The following DPYD variants were observed in gnomAD, a reference collection of about 807,000 sequenced individuals.
The protein encoded by DPYD is dihydropyrimidine dehydrogenase [NADP(+)].
Under a neutral mutation model 116.2 loss-of-function variants are expected in DPYD, and 109 were observed. The ratio of observed to expected loss-of-function variants is 0.94; its 90% CI spans 0.80 to 1.10. The LOEUF is 1.10. Among genes scored for constraint, DPYD ranks in the 50% least tolerant of loss-of-function variants. The probability of loss-of-function intolerance (pLI) is 0.00; values close to 1 mark genes in which losing one functional copy is unlikely to be tolerated. For synonymous variants in DPYD, 440 were observed against 432.0 expected (o/e 1.02, Z -0.23); for missense variants, 1,302 against 1,254.5 (o/e 1.04, Z -0.57).
intron 8 of DPYD, among the ~76,000 whole-genome samples, chr1:97,635,251 C>T (rs974209830): frequency 6.6e-6 from 1 of 152,034 alleles, no homozygotes; most frequent in Non-Finnish European, 1.5e-5. Flanking sequence ...AAGCCCGCAC[C>T]TTCCTTCCTC....
intron 19 of DPYD, among the ~76,000 whole-genome samples, chr1:97,208,508 A>G (rs1570673400): frequency 6.7e-6 from 1 of 150,068 alleles, no homozygotes; most frequent in South Asian, 2.1e-4. Flanking sequence ...CTGATCTTGA[A>G]CTCCTGGGCT....
chr1:97,529,596 C>T (rs1343432909), intron 12 of DPYD, among the ~76,000 whole-genome samples: 1 of 152,144 alleles, frequency 6.6e-6, no homozygotes, highest in East Asian at 1.9e-4. Context: ...ACGTCACAAA[C>T]ATATCCATCA....
At chr1:97,224,497 A>AT (rs1001377416) in intron 19 of DPYD, among the ~76,000 whole-genome samples, 17 of 151,694 alleles carry the variant, frequency 1.1e-4, no homozygotes, top group Admixed American at 3.9e-4. Context: ...ACACAGCAAC[A>AT]TTTTTTTTCT....
rs1020786826 is a variant in DPYD at position 97,259,384 on chromosome 1, T to C, written c.2300-24390A>G. Among the ~76,000 whole-genome samples the C allele has an allele frequency of 1.1e-4, 17 of 152,226 alleles. No homozygotes were observed. The East Asian group carries it at 2.3e-3, about 21-fold the overall frequency. On this transcript the variant is annotated intron_variant, in intron 18 of 22. Transcript: ENST00000370192. ...TGGAATTTACCGATTAAAAATATTA[T>C]TATTTTTGAGTCAGAGTCTTGCTCT...
At chr1:97,352,845 G>A (rs538144818) in intron 16 of DPYD, among the ~76,000 whole-genome samples, 5 of 152,146 alleles carry the variant, frequency 3.3e-5, no homozygotes, top group African/African-American at 1.2e-4. Context: ...AAGAATGCAG[G>A]CAAAAAGAGA....
chr1:97,176,270 T>C (rs1157719813), intron 20 of DPYD, among the ~76,000 whole-genome samples: 1 of 152,200 alleles, frequency 6.6e-6, no homozygotes, highest in Admixed American at 6.5e-5. Context: ...AGCCTCTGCT[T>C]AGGCAGGCCA....
At chr1:97,125,197 A>T (rs540297067) in intron 20 of DPYD, among the ~76,000 whole-genome samples, 116 of 152,248 alleles carry the variant, frequency 7.6e-4, no homozygotes, top group African/African-American at 2.7e-3. Flanking sequence ...ATTTTAAAAT[A>T]ATCCCCCATT....
intron 5 of DPYD, among the ~76,000 whole-genome samples, chr1:97,700,957 T>G (rs1168750089): frequency 2.0e-5 from 3 of 151,316 alleles, no homozygotes; most frequent in Non-Finnish European, 4.4e-5. Context: ...TAATTAAAAT[T>G]ATTATAAATA....
intron 8 of DPYD, among the ~76,000 whole-genome samples, chr1:97,667,610 T>C (rs1185415041): frequency 1.3e-5 from 2 of 152,100 alleles, no homozygotes; most frequent in East Asian, 1.9e-4. Context: ...TTTTTTTCAC[T>C]GTTGATGAAA....
rs570089060 is a variant in DPYD at position 97,769,163 on chromosome 1, A to AT, written c.234-28685dup. Among the ~76,000 whole-genome samples the AT allele has an allele frequency of 3.7e-3, 558 of 152,202 alleles. 2 individuals are homozygous for AT. The highest frequency in any genetic ancestry group is 0.011 in the African/African-American group (478 of 41,572). ...TTTAGAAATTGCTGGGTTTGCCTAG[A>AT]TTTCCATTAAGTAGCAGTATTCCAC... is the stretch of plus-strand genomic sequence containing the variant. On this transcript the variant is annotated intron_variant, in intron 3 of 22. Transcript: ENST00000370192.
At chr1:97,203,413 G>A (rs1659346894) in intron 19 of DPYD, among the ~76,000 whole-genome samples, 1 of 138,910 alleles carries the variant, frequency 7.2e-6, no homozygotes, top group Admixed American at 8.3e-5. Context: ...GATCACAGAG[G>A]AGAAGTCATA....
At chr1:97,346,818 T>C (rs1669873042) in intron 16 of DPYD, among the ~76,000 whole-genome samples, 1 of 151,950 alleles carries the variant, frequency 6.6e-6, no homozygotes, top group Non-Finnish European at 1.5e-5. Context: ...CAACTGTGTG[T>C]CAAAACCCCT....
intron 18 of DPYD, among the ~76,000 whole-genome samples, chr1:97,235,936 T>C (rs914111283): frequency 6.6e-6 from 1 of 152,206 alleles, no homozygotes; most frequent in Non-Finnish European, 1.5e-5. Flanking sequence ...AATTTAATTT[T>C]TTAATATTTA....
chr1:97,637,125 C>T (rs1404080511), intron 8 of DPYD, among the ~76,000 whole-genome samples: 13 of 152,030 alleles, frequency 8.6e-5, no homozygotes, highest in Admixed American at 8.5e-4. Context: ...GCTTCTACTC[C>T]CAGGAAGAAG....
intron 16 of DPYD, among the ~76,000 whole-genome samples, chr1:97,334,112 G>C (rs74725214): frequency 1.6e-3 from 245 of 152,180 alleles, no homozygotes; most frequent in Middle Eastern, 3.4e-3. Context: ...ATATTATAAT[G>C]ATACTTGGGG....
chr1:97,904,473 T>C (rs963196869), intron 1 of DPYD, among the ~76,000 whole-genome samples: 1 of 151,876 alleles, frequency 6.6e-6, no homozygotes, highest in African/African-American at 2.4e-5. Flanking sequence ...AAGCAGTAGA[T>C]AGATTTACAA....
At position 97,849,380 on chromosome 1, in the gene DPYD, T is replaced by C. The variant is rs150350882; in HGVS notation, c.151-21184A>G. ...CCTGAATTCTGTACACTAAAAATCC[T>C]TTAGTAGTTAACTCTTACTGAGTTC... is the stretch of plus-strand genomic sequence containing the variant. On this transcript the variant is annotated intron_variant, in intron 2 of 22. Transcript: ENST00000370192. Among the ~76,000 whole-genome samples the C allele has an allele frequency of 1.5e-3, 223 of 152,358 alleles. 1 individual carries two copies. Among genetic ancestry groups the C allele is most frequent in the African/African-American group, 5.1e-3 (214 of 41,592 alleles).
chr1:97,449,646 C>T (rs1053667285), intron 14 of DPYD, among the ~76,000 whole-genome samples: 1 of 152,144 alleles, frequency 6.6e-6, no homozygotes, highest in African/African-American at 2.4e-5. Flanking sequence ...TTATTTCCCA[C>T]TGAAAAAATA....
At chr1:97,262,032 T>C (rs1663921556) in intron 18 of DPYD, among the ~76,000 whole-genome samples, 1 of 151,994 alleles carries the variant, frequency 6.6e-6, no homozygotes, top group Non-Finnish European at 1.5e-5. Context: ...TACCAAATAT[T>C]ACATCCTTTG....
Sources: allele counts gnomAD v4.1 joint callset (sites outside exome capture counted in the v4.1 genomes callset), GRCh38; gene constraint gnomAD v4.1.1; transcripts MANE v1.5; gene names NCBI Gene and HGNC (gene_info 2026-07-23, HGNC 2026-07-21).